Variants in PRDM16 observed in about 807,000 individuals in gnomAD.
PRDM16 encodes histone-lysine N-methyltransferase PRDM16.
In PRDM16, 23 loss-of-function variants were observed where a neutral mutation model predicts 110.6. The observed-to-expected ratio is 0.21, with a 90% CI of 0.15 to 0.29. The LOEUF is 0.29. Ranked by LOEUF, PRDM16 falls within the 10% of genes least tolerant of loss-of-function variation. PRDM16 has a pLI of 1.00. For missense variants in PRDM16, 1,615 were observed against 1,794.3 expected (o/e 0.90, Z 1.81); for synonymous variants, 799 against 781.8 (o/e 1.02, Z -0.37).
rs1452752029 is a variant in PRDM16, at chr1:3,181,379, T to TACGGTCTTACACACGGTCTTAC, written c.38-4744_38-4743insGGTCTTACACACGGTCTTACAC. 3.8e-3 allele frequency among the ~76,000 whole-genome samples: 71 copies of TACGGTCTTACACACGGTCTTAC among 18,810 alleles called. 3 individuals are homozygous for TACGGTCTTACACACGGTCTTAC. The highest frequency in any genetic ancestry group is 0.056 in the Middle Eastern group (1 of 18). 12.3% of individuals were successfully genotyped at this position (18,810 alleles called of 152,430 possible). On this transcript the variant is annotated intron_variant, in intron 1 of 16. Transcript: ENST00000270722. ...ACACACGGTCTTACACACGCAGTCT[T>TACGGTCTTACACACGGTCTTAC]ACACACGGCCTTACGCATGGTCTTA...
At chr1:3,104,163 G>A (rs972856741) in intron 1 of PRDM16, among the ~76,000 whole-genome samples, 14 of 152,212 alleles carry the variant, frequency 9.2e-5, no homozygotes, top group African/African-American at 3.4e-4. Flanking sequence ...GAACAGCATG[G>A]CTCAGGAGCC....
In PRDM16 at chr1:3,435,351, C is replaced by T. The variant is rs942669865; in HGVS notation, c.*1540C>T. On this transcript the variant is annotated 3_prime_UTR_variant, in exon 17 of 17. Transcript: ENST00000270722. ...TAAGTATCTGGTGAAGGACCAAAACCGTGTGATAAGGTTGTGTGTCGTGTG... is the reference window on the plus strand; with the variant it reads ...TAAGTATCTGGTGAAGGACCAAAACTGTGTGATAAGGTTGTGTGTCGTGTG... 4.8e-5 allele frequency: 11 copies of T among 229,712 alleles called. No homozygotes were observed. Among genetic ancestry groups the T allele is most frequent in the Non-Finnish European group, 6.9e-5 (8 of 116,060 alleles). 14.2% of individuals were successfully genotyped at this position (229,712 alleles called of 1,614,324 possible).
chr1:3,157,194 C>T lies in PRDM16; in HGVS notation c.38-28931C>T, dbSNP rs1018525497. Among the ~76,000 whole-genome samples the T allele has an allele frequency of 9.2e-5, 14 of 152,152 alleles. No homozygotes were observed. The highest frequency in any genetic ancestry group is 4.1e-4 in the South Asian group (2 of 4,832). Reference sequence around the variant, plus strand: ...TGGAGAAGGAGGGCCGCTCGGCAACCGCTGAGCCGGCGCAAGAGCTCAGGC... The same window carrying T: ...TGGAGAAGGAGGGCCGCTCGGCAACTGCTGAGCCGGCGCAAGAGCTCAGGC... On this transcript the variant is annotated intron_variant, in intron 1 of 16. Transcript: ENST00000270722. The surrounding 1 kb of genome is among the most constrained non-coding windows in gnomAD (Gnocchi z 4.8).
At chr1:3,156,975 T>C (rs909803609) in intron 1 of PRDM16, among the ~76,000 whole-genome samples, 23 of 152,260 alleles carry the variant, frequency 1.5e-4, no homozygotes, top group African/African-American at 5.5e-4. Flanking sequence ...TGTAGGACTA[T>C]GGAGTTAGCG....
At chr1:3,352,422 C>G (rs772398622) in intron 3 of PRDM16, among the ~76,000 whole-genome samples, 15 of 152,216 alleles carry the variant, frequency 9.9e-5, no homozygotes, top group Non-Finnish European at 2.2e-4. Flanking sequence ...GCCGGCGCCC[C>G]CCTTGCTGCC....
At chr1:3,088,015 C>T (rs555414268) in intron 1 of PRDM16, among the ~76,000 whole-genome samples, 1 of 152,118 alleles carries the variant, frequency 6.6e-6, no homozygotes, top group African/African-American at 2.4e-5. Context: ...CCTCATTTCA[C>T]TGCTGTTTCT....
chr1:3,364,894 C>T (rs185873571), intron 3 of PRDM16, among the ~76,000 whole-genome samples: 22 of 152,300 alleles, frequency 1.4e-4, no homozygotes, highest in East Asian at 3.9e-4. Flanking sequence ...TCCCACCTGG[C>T]GAGCGCTGCC....
rs1270761294 is a variant in PRDM16, at chr1:3,245,725, A to G, written c.438+1588A>G. ...TCTTTCTCCTTTCCTGCCTCTTTAA[A>G]TGAGTTCACATTTTCTTAAAGGACA... On this transcript the variant is annotated intron_variant, in intron 3 of 16. Transcript: ENST00000270722. The surrounding 1 kb of genome is among the most constrained non-coding windows in gnomAD (Gnocchi z 4.7). Among the ~76,000 whole-genome samples the G allele has an allele frequency of 6.8e-6, 1 of 146,072 alleles. No homozygotes were observed. The highest frequency in any genetic ancestry group is 1.9e-4 in the East Asian group (1 of 5,178).
chr1:3,087,804 G>C (rs1167447079), intron 1 of PRDM16, among the ~76,000 whole-genome samples: 4 of 151,956 alleles, frequency 2.6e-5, no homozygotes, highest in African/African-American at 7.3e-5. Context: ...TCACCACCTT[G>C]AGATGCCTTT....
intron 3 of PRDM16, among the ~76,000 whole-genome samples, chr1:3,269,870 G>A: frequency 7.8e-6 from 1 of 127,990 alleles, no homozygotes; most frequent in South Asian, 2.3e-4. Flanking sequence ...GAAAGTCCCA[G>A]AGGAGGAAAG....
intron 4 of PRDM16, among the ~76,000 whole-genome samples, chr1:3,389,339 G>A (rs1311177322): frequency 6.6e-6 from 1 of 152,178 alleles, no homozygotes; most frequent in Non-Finnish European, 1.5e-5. Flanking sequence ...TCCCAGGCAG[G>A]GCTGGCCCAG....
chr1:3,387,957 G>A (rs565502692), intron 4 of PRDM16, among the ~76,000 whole-genome samples: 3 of 152,342 alleles, frequency 2.0e-5, no homozygotes, highest in South Asian at 2.1e-4. Context: ...GCGCTGTGAC[G>A]GCTGTGACGG....
intron 3 of PRDM16, among the ~76,000 whole-genome samples, chr1:3,335,333 T>G (rs1261906087): frequency 3.9e-5 from 6 of 152,146 alleles, no homozygotes; most frequent in Admixed American, 1.3e-4. Context: ...AGAACGTTAT[T>G]GACTGAGGGC....
At chr1:3,177,141 C>G (rs1644100231) in intron 1 of PRDM16, among the ~76,000 whole-genome samples, 1 of 152,090 alleles carries the variant, frequency 6.6e-6, no homozygotes, top group Non-Finnish European at 1.5e-5. Flanking sequence ...ACCCATCCAC[C>G]AACCCATCCA....
At chr1:3,119,120 G>A (rs1176565314) in intron 1 of PRDM16, among the ~76,000 whole-genome samples, 1 of 152,198 alleles carries the variant, frequency 6.6e-6, no homozygotes, top group Non-Finnish European at 1.5e-5. Flanking sequence ...TTTTTGGTGG[G>A]ACTGGCTGGC....
chr1:3,398,281 TGGG>T (rs1557652532), intron 5 of PRDM16, among the ~76,000 whole-genome samples: 1 of 152,172 alleles, frequency 6.6e-6, no homozygotes. Context: ...TTAAATAACC[TGGG>T]TCTACATTTT....
chr1:3,200,824 C>T (rs2651922), intron 2 of PRDM16, among the ~76,000 whole-genome samples: 53,531 of 152,020 alleles, frequency 0.35, 12,549 homozygotes, highest in African/African-American at 0.64. Flanking sequence ...AGCCTCCACC[C>T]CGATGATGCT....
At chr1:3,136,394 G>A (rs1288395772) in intron 1 of PRDM16, among the ~76,000 whole-genome samples, 4 of 152,196 alleles carry the variant, frequency 2.6e-5, no homozygotes, top group African/African-American at 4.8e-5. Context: ...AAGATGGACC[G>A]ACAGTCCCCG....
intron 3 of PRDM16, among the ~76,000 whole-genome samples, chr1:3,291,379 C>T (rs914345913): frequency 2.0e-5 from 3 of 152,164 alleles, no homozygotes; most frequent in African/African-American, 7.2e-5. Flanking sequence ...GCTTCCTCTG[C>T]ACCGCAGGGG....
Sources: allele counts gnomAD v4.1 joint callset (sites outside exome capture counted in the v4.1 genomes callset), GRCh38; gene constraint gnomAD v4.1.1; non-coding constraint Gnocchi (gnomAD v3.1); transcripts MANE v1.5; gene names NCBI Gene and HGNC (gene_info 2026-07-23, HGNC 2026-07-21).